Variants in ANXA4 observed in about 807,000 individuals in gnomAD.
ANXA4 encodes annexin A4, also known as 35-beta calcimedin.
In ANXA4, 39 loss-of-function variants were observed where a neutral mutation model predicts 49.8. That is an observed-to-expected ratio of 0.78 (90% confidence interval 0.61 to 1.02). ANXA4 has a LOEUF of 1.02. ANXA4 is among the 50% of genes least tolerant of loss of function. The probability of loss-of-function intolerance (pLI) is 0.00; values close to 1 mark genes in which losing one functional copy is unlikely to be tolerated. For synonymous variants in ANXA4, 134 were observed against 152.5 expected (o/e 0.88, Z 0.89); for missense variants, 360 against 410.1 (o/e 0.88, Z 1.05).
intron 5 of ANXA4, 127 bp from the exon 6 acceptor site, chr2:69,807,779 C>T: frequency 1.3e-6 from 1 of 747,942 alleles, no homozygotes; most frequent in Non-Finnish European, 2.2e-6. Context: ...GTGAACAAAC[C>T]CTGTTGTTAG....
chr2:69,741,097 T>A (rs1670381956), upstream of ANXA4, among the ~76,000 whole-genome samples: 1 of 152,212 alleles, frequency 6.6e-6, no homozygotes, highest in Admixed American at 6.5e-5. Flanking sequence ...TAAACCACCT[T>A]TTAAAATTAC....
intron 2 of ANXA4, among the ~76,000 whole-genome samples, chr2:69,707,936 T>C (rs1225681365): frequency 6.6e-6 from 1 of 152,216 alleles, no homozygotes; most frequent in Non-Finnish European, 1.5e-5. Flanking sequence ...TGTATTTAAA[T>C]TTTATGTAAA....
intron 2 of ANXA4, among the ~76,000 whole-genome samples, chr2:69,705,133 T>TA (rs1159135755): frequency 6.6e-6 from 1 of 151,380 alleles, no homozygotes; most frequent in Non-Finnish European, 1.5e-5. Context: ...TCTACAAAAA[T>TA]AAAAAATAAA....
At chr2:69,718,477 T>C (rs918611653) in intron 2 of ANXA4, among the ~76,000 whole-genome samples, 1 of 152,206 alleles carries the variant, frequency 6.6e-6, no homozygotes, top group African/African-American at 2.4e-5. Context: ...GTTTGGGAAA[T>C]GCTTAGCCAG....
At position 69,819,348 on chromosome 2, in the gene ANXA4, C is replaced by A; in HGVS notation, c.783+10C>A. 6.3e-7 allele frequency: 1 copy of A among 1,596,242 alleles called. No individual in the cohort carries two copies. Among genetic ancestry groups the A allele is most frequent in the South Asian group, 1.1e-5 (1 of 89,294 alleles). On this transcript the variant is annotated intron_variant, in intron 11 of 12. Transcript: ENST00000394295. ...CTATAAATCGATGAAGGTAAATGGCCTTATTTTCAGCATCTAAATGAATTT... is the reference window on the plus strand; with the variant it reads ...CTATAAATCGATGAAGGTAAATGGCATTATTTTCAGCATCTAAATGAATTT...
At chr2:69,653,823 A>T (rs572832816) in intron 2 of ANXA4, among the ~76,000 whole-genome samples, 2 of 152,368 alleles carry the variant, frequency 1.3e-5, no homozygotes, top group African/African-American at 4.8e-5. Flanking sequence ...CTGTGAAGAA[A>T]GCCAATGGAA....
chr2:69,796,683 G>A (rs59694353), intron 3 of ANXA4, among the ~76,000 whole-genome samples: 2 of 152,316 alleles, frequency 1.3e-5, no homozygotes, highest in East Asian at 3.9e-4. Context: ...AGGGGTAGAA[G>A]TGAAGCTGGG....
chr2:69,748,911 C>T (rs2105486782), intron 1 of ANXA4, among the ~76,000 whole-genome samples: 1 of 152,150 alleles, frequency 6.6e-6, no homozygotes, highest in East Asian at 1.9e-4. Context: ...CGAAGTTTTG[C>T]CATGTTGCCC....
chr2:69,662,896 T>C (rs1033631640), intron 2 of ANXA4, among the ~76,000 whole-genome samples: 4 of 152,130 alleles, frequency 2.6e-5, no homozygotes, highest in Admixed American at 1.3e-4. Context: ...TCATGTACTA[T>C]AAGTATGTCC....
At chr2:69,735,480 G>T (rs1054212885) in intron 3 of ANXA4, among the ~76,000 whole-genome samples, 2 of 152,134 alleles carry the variant, frequency 1.3e-5, no homozygotes, top group African/African-American at 4.8e-5. Flanking sequence ...TTGGTTTACT[G>T]GCTCCCTGAA....
intron 3 of ANXA4, among the ~76,000 whole-genome samples, chr2:69,797,853 C>T (rs1389497112): frequency 6.6e-6 from 1 of 152,186 alleles, no homozygotes; most frequent in African/African-American, 2.4e-5. Flanking sequence ...GGGAGGAGAA[C>T]TGAAAAGCCA....
At chr2:69,657,890 G>GC (rs767679508) in intron 2 of ANXA4, among the ~76,000 whole-genome samples, 1 of 152,050 alleles carries the variant, frequency 6.6e-6, no homozygotes, top group Non-Finnish European at 1.5e-5. Flanking sequence ...TCAATTCCAT[G>GC]CCTATTTAAA....
intron 3 of ANXA4, among the ~76,000 whole-genome samples, chr2:69,735,748 C>T (rs544367083): frequency 1.3e-5 from 2 of 152,216 alleles, no homozygotes; most frequent in East Asian, 1.9e-4. Flanking sequence ...ACTCAAAATT[C>T]AGGGGTGTGA....
chr2:69,662,628 A>C (rs187366966), intron 2 of ANXA4, among the ~76,000 whole-genome samples: 172 of 152,246 alleles, frequency 1.1e-3, no homozygotes, highest in African/African-American at 4.1e-3. Context: ...ACTCACCAGG[A>C]TGGAGAATTT....
At chr2:69,650,495 A>G (rs1676192603) in intron 1 of ANXA4, among the ~76,000 whole-genome samples, 1 of 151,386 alleles carries the variant, frequency 6.6e-6, no homozygotes, top group African/African-American at 2.4e-5. Flanking sequence ...TTTTTCTTTG[A>G]GACAGGGTCT....
At chr2:69,645,404 C>A (rs1675970023) in intron 1 of ANXA4, among the ~76,000 whole-genome samples, 1 of 152,212 alleles carries the variant, frequency 6.6e-6, no homozygotes, top group Non-Finnish European at 1.5e-5. Flanking sequence ...CTTAAAAGGC[C>A]AGATTTTTGT....
At chr2:69,825,088 AAAC>A (rs1265519010) in intron 12 of ANXA4, among the ~76,000 whole-genome samples, 59 of 150,154 alleles carry the variant, frequency 3.9e-4, no homozygotes, top group African/African-American at 1.3e-3. Context: ...AAAAAAAAAA[AAAC>A]CACAAACAAA....
chr2:69,660,106 T>C (rs79544613), intron 2 of ANXA4, among the ~76,000 whole-genome samples: 2,648 of 152,224 alleles, frequency 0.017, 41 homozygotes, highest in Non-Finnish European at 0.023. Flanking sequence ...TATGCACATA[T>C]GTATGTATGT....
chr2:69,763,348 G>A (rs905381881), intron 1 of ANXA4, among the ~76,000 whole-genome samples: 1 of 152,184 alleles, frequency 6.6e-6, no homozygotes, highest in Non-Finnish European at 1.5e-5. Context: ...CCGAGGTGGA[G>A]CCAGTTGAAA....
Sources: allele counts gnomAD v4.1 joint callset (sites outside exome capture counted in the v4.1 genomes callset), GRCh38; gene constraint gnomAD v4.1.1; transcripts MANE v1.5; gene names NCBI Gene and HGNC (gene_info 2026-07-23, HGNC 2026-07-21).